The following SDF2L1 variants were observed in gnomAD, a reference collection of about 807,000 sequenced individuals.
SDF2L1 encodes stromal cell derived factor 2 like 1.
A neutral mutation model predicts 19.4 loss-of-function variants in SDF2L1; 18 were observed. The ratio of observed to expected loss-of-function variants is 0.93; its 90% CI spans 0.64 to 1.38. SDF2L1 has a LOEUF of 1.38. Ranked by LOEUF, SDF2L1 falls within the 40% of genes most tolerant of loss-of-function variation. SDF2L1 has a pLI of 0.00. For missense variants in SDF2L1, 263 were observed against 319.4 expected (o/e 0.82, Z 1.35); for synonymous variants, 161 against 148.9 (o/e 1.08, Z -0.59).
At position 21,644,123 on chromosome 22, in the gene SDF2L1, G is replaced by A. The variant is rs140443538; in HGVS notation, c.614G>A (p.Gly205Asp). ...CACAATACGTGGAAGGCCATGGAAG[G>A]CATCTTCATCAAGCCTAGTGTGGAG... ...NTHNTWKAMEGIFIKPSVEPS... is the reference protein window; with the variant it reads ...NTHNTWKAMEDIFIKPSVEPS... Residue 205 changes from glycine (G) to aspartate (D), a missense_variant, in exon 3 of 3, where the codon GGC becomes GAC. By Grantham distance (94) the Gly-to-Asp change is moderately conservative. This residue lies in a region of SDF2L1 where 203 missense variants were observed against 256.9 expected (regional missense o/e 0.79). Coordinates refer to ENST00000248958, the MANE Select transcript of SDF2L1 (RefSeq NM_022044.3). 3 of 1,614,172 alleles carry A rather than the reference G, an allele frequency of 1.9e-6. No homozygotes were observed. The highest frequency in any genetic ancestry group is 2.5e-6 in the Non-Finnish European group (3 of 1,180,026).
chr22:21,642,865 G>T lies in SDF2L1; in HGVS notation c.191G>T (p.Ser64Ile), dbSNP rs1418922449. 1 of 1,594,412 alleles carries T rather than the reference G, an allele frequency of 6.3e-7. No individual in the cohort carries two copies. The highest frequency in any genetic ancestry group is 1.1e-5 in the South Asian group (1 of 88,736). ...TGTGTGGGGTGTCACTCCTCAGGCA[G>T]CGGCCAGCAATCGGTGACCGGCGTA... ...HSHDIKYGSG[S>I]GQQSVTGVEA... Residue 64 changes from serine to isoleucine, a missense_variant, in exon 2 of 3, where the codon AGC becomes ATC. Around this residue, in one of 3 missense-constraint regions of SDF2L1, gnomAD observed 203 missense variants for 256.9 expected, o/e 0.79. Coordinates refer to ENST00000248958, the MANE Select transcript of SDF2L1 (RefSeq NM_022044.3).
At chr22:21,642,795 C>T in intron 1 of SDF2L1, 67 bp from the exon 2 acceptor site, 1 of 1,526,470 alleles carries the variant, frequency 6.6e-7, no homozygotes. Flanking sequence ...ATGTTCTGGT[C>T]CCAGGGCGAG....
chr22:21,642,636 G>T, intron 1 of SDF2L1, 113 bp downstream of exon 1: 1 of 1,342,130 alleles, frequency 7.5e-7, no homozygotes, highest in Non-Finnish European at 1.0e-6. Flanking sequence ...GGCGGCGGGG[G>T]CTCTAGAGTC....
chr22:21,643,021 A>C lies in SDF2L1; in HGVS notation c.347A>C (p.His116Pro). ...CATGTGCTTACGGGCAAGAACCTGCACACGCACCACTTCCCGTCGCCGCTG... is the reference window on the plus strand; with the variant it reads ...CATGTGCTTACGGGCAAGAACCTGCCCACGCACCACTTCCCGTCGCCGCTG... ...LTHVLTGKNL[H>P]THHFPSPLSN... Residue 116 changes from histidine to proline, a missense_variant, in exon 2 of 3, where the codon CAC (histidine) becomes CCC (proline). Around this residue, in one of 3 missense-constraint regions of SDF2L1, gnomAD observed 203 missense variants for 256.9 expected, o/e 0.79. Transcript: ENST00000248958. The C allele has an allele frequency of 6.4e-7, 1 of 1,560,582 alleles. No individual in the cohort carries two copies. Among genetic ancestry groups the C allele is most frequent in the Non-Finnish European group, 8.7e-7 (1 of 1,153,210 alleles).
chr22:21,643,773 C>CTT (rs1170363441), intron 2 of SDF2L1, 121 bp from the exon 3 acceptor site: 1 of 1,053,082 alleles, frequency 9.5e-7, no homozygotes. Context: ...ATGGTGTCAC[C>CTT]TTTTGCAGCT....
chr22:21,642,562 G>A lies in SDF2L1; in HGVS notation c.187+39G>A, dbSNP rs1184748995. On this transcript the variant is annotated intron_variant, in intron 1 of 2. Transcript: ENST00000248958. ...GCGACTGGGAGAGCGCGGGGAACCGGGGCTCGGGGTTGGGAGTGTGGAGAC... is the reference window on the plus strand; with the variant it reads ...GCGACTGGGAGAGCGCGGGGAACCGAGGCTCGGGGTTGGGAGTGTGGAGAC... The A allele has an allele frequency of 5.3e-6, 8 of 1,504,508 alleles. No homozygotes were observed. The Admixed American group carries it at 1.1e-4, about 20-fold the overall frequency. The allele number at this position is 1,504,508 out of a possible 1,614,324, so 93.2% of individuals were successfully genotyped here.
chr22:21,642,560 C>T (rs1397176352), intron 1 of SDF2L1, 37 bp downstream of exon 1: 1 of 1,503,902 alleles, frequency 6.6e-7, no homozygotes, highest in Non-Finnish European at 8.8e-7. Context: ...CGCGGGGAAC[C>T]GGGGCTCGGG....
In SDF2L1 at chr22:21,644,114, C is replaced by T. The variant is rs2066103783; in HGVS notation, c.605C>T (p.Ala202Val). The T allele has an allele frequency of 6.2e-7, 1 of 1,614,048 alleles. No individual in the cohort carries two copies. The highest frequency in any genetic ancestry group is 8.5e-7 in the Non-Finnish European group (1 of 1,180,046). The change falls in exon 3 of 3, where the codon GCC becomes GTC. Residue 202 changes from alanine (A) to valine (V), a missense_variant. By Grantham distance (64) the Ala-to-Val change is moderately conservative (BLOSUM62 0). This residue lies in a region of SDF2L1 where 203 missense variants were observed against 256.9 expected (regional missense o/e 0.79). Transcript: ENST00000248958. ...PSANTHNTWK[A>V]MEGIFIKPSV... ...GCCAACACGCACAATACGTGGAAGG[C>T]CATGGAAGGCATCTTCATCAAGCCT... is the stretch of plus-strand genomic sequence containing the variant.
rs773316826 is a variant in SDF2L1, at chr22:21,642,866, C to A, written c.192C>A (p.Ser64Arg). Residue 64 changes from serine (S) to arginine (R), a missense_variant, in exon 2 of 3, where the codon AGC (serine) becomes AGA (arginine). By Grantham distance (110) the Ser-to-Arg change is moderately radical (BLOSUM62 -1). Coordinates refer to ENST00000248958, the MANE Select transcript of SDF2L1 (RefSeq NM_022044.3). ...GTGTGGGGTGTCACTCCTCAGGCAG[C>A]GGCCAGCAATCGGTGACCGGCGTAG... The part of the protein sequence containing the change: ...HSHDIKYGSG[S>R]GQQSVTGVEA... The A allele has an allele frequency of 1.9e-4, 299 of 1,594,322 alleles. No homozygotes were observed. The highest frequency in any genetic ancestry group is 2.4e-4 in the Non-Finnish European group (285 of 1,172,514).
rs2066086757 is a variant in SDF2L1 at position 21,642,501 on chromosome 22, G to A, written c.165G>A (p.Ser55=). 4.6e-6 allele frequency: 7 copies of A among 1,517,888 alleles called. No individual in the cohort carries two copies. Among genetic ancestry groups the A allele is most frequent in the Non-Finnish European group, 6.1e-6 (7 of 1,138,894 alleles). The allele number at this position is 1,517,888 out of a possible 1,614,324, so 94.0% of individuals were successfully genotyped here. ...LNTHHRVRLH[S]HDIKYGSGSG... is the part of the protein sequence containing the mutation. ...CGCACCACCGCGTGCGGCTGCACTC[G>A]CACGACATCAAATACGGATCCGGTG... is the stretch of plus-strand genomic sequence containing the variant. The change falls in exon 1 of 3, where the codon TCG becomes TCA. Residue 55 remains serine, a synonymous_variant. Transcript: ENST00000248958.
intron 2 of SDF2L1, chr22:21,643,265 G>A (rs1040064749): frequency 2.1e-5 from 13 of 631,302 alleles, no homozygotes; most frequent in Middle Eastern, 4.3e-4. Flanking sequence ...GGAGAACGAC[G>A]GGAGAGAGAT....
At chr22:21,643,553 T>C (rs1339160177) in intron 2 of SDF2L1, among the ~76,000 whole-genome samples, 1 of 152,106 alleles carries the variant, frequency 6.6e-6, no homozygotes, top group Non-Finnish European at 1.5e-5. Flanking sequence ...AAGAAAATGT[T>C]TGAGATAGAT....
At chr22:21,642,726 CAA>C (rs1238405615) in intron 1 of SDF2L1, 134 bp from the exon 2 acceptor site, 7 of 1,139,296 alleles carry the variant, frequency 6.1e-6, no homozygotes, top group Non-Finnish European at 7.2e-6. Context: ...ACTGCGGGCC[CAA>C]AGACTGAGGG....
intron 1 of SDF2L1, 62 bp from the exon 2 acceptor site, chr22:21,642,800 G>A (rs2066089852): frequency 2.0e-6 from 3 of 1,534,932 alleles, no homozygotes; most frequent in East Asian, 2.4e-5. Context: ...CTGGTCCCAG[G>A]GCGAGGGTCC....
chr22:21,643,918 G>A lies in SDF2L1; in HGVS notation c.409G>A (p.Gly137Ser), dbSNP rs766217454. 9 of 1,613,354 alleles carry A rather than the reference G, an allele frequency of 5.6e-6. No individual in the cohort carries two copies. Among genetic ancestry groups the A allele is most frequent in the African/African-American group, 1.3e-5 (1 of 74,898 alleles). Residue 137 changes from glycine (G) to serine (S), a missense_variant, in exon 3 of 3, where the codon GGC becomes AGC. By Grantham distance (56) the Gly-to-Ser change is moderately conservative. Around this residue, in one of 3 missense-constraint regions of SDF2L1, gnomAD observed 203 missense variants for 256.9 expected, o/e 0.79. Coordinates refer to ENST00000248958, the MANE Select transcript of SDF2L1 (RefSeq NM_022044.3). ...NQEVSAFGED[G>S]EGDDLDLWTV... ...GGAGGTGAGTGCCTTTGGGGAAGAC[G>A]GCGAGGGCGACGACCTGGACCTATG...
At chr22:21,643,828 C>G (rs923308498) in intron 2 of SDF2L1, 66 bp from the exon 3 acceptor site, 153 of 1,488,022 alleles carry the variant, frequency 1.0e-4, no homozygotes, top group Non-Finnish European at 1.4e-4. Context: ...ACCCGAGGCT[C>G]GGTGTACTAG....
At position 21,643,020 on chromosome 22, in the gene SDF2L1, CA is replaced by C; in HGVS notation, c.347del (p.His116ProfsTer15). The C allele has an allele frequency of 6.4e-7, 1 of 1,560,562 alleles. No homozygotes were observed. Among genetic ancestry groups the C allele is most frequent in the Non-Finnish European group, 8.7e-7 (1 of 1,153,178 alleles). On this transcript the variant is annotated frameshift_variant, in exon 2 of 3. Coordinates refer to ENST00000248958, the MANE Select transcript of SDF2L1 (RefSeq NM_022044.3). LOFTEE classifies it high-confidence loss of function. ...GCATGTGCTTACGGGCAAGAACCTG[CA>C]CACGCACCACTTCCCGTCGCCGCTG... is the stretch of plus-strand genomic sequence containing the variant. ...LTHVLTGKNLHTHHFPSPLSN... is the reference protein window; with the variant it reads ...LTHVLTGKNLXTHHFPSPLSN...
intron 1 of SDF2L1, 94 bp from the exon 2 acceptor site, chr22:21,642,768 T>C: frequency 6.9e-7 from 1 of 1,443,704 alleles, no homozygotes; most frequent in East Asian, 2.5e-5. Flanking sequence ...GGGTGAGCCC[T>C]TGGGGTCCCC....
rs1255965771 is a variant in SDF2L1 at position 21,644,200 on chromosome 22, A to AG, written c.*28dup. The AG allele has an allele frequency of 6.8e-6, 11 of 1,606,812 alleles. No homozygotes were observed. Among genetic ancestry groups the AG allele is most frequent in the Non-Finnish European group, 9.4e-6 (11 of 1,174,248 alleles). On this transcript the variant is annotated 3_prime_UTR_variant, in exon 3 of 3. Coordinates refer to ENST00000248958, the MANE Select transcript of SDF2L1 (RefSeq NM_022044.3). ...AGTGTGTGGATGGATGGGTGGATGG[A>AG]GGGTGGCAGGTGGGGCGTCTGCAGG...
Sources: allele counts gnomAD v4.1 joint callset (sites outside exome capture counted in the v4.1 genomes callset), GRCh38; gene constraint gnomAD v4.1.1; regional missense constraint gnomAD v4.1.1; transcripts MANE v1.5; gene names NCBI Gene and HGNC (gene_info 2026-07-23, HGNC 2026-07-21).